Variants in ZNF385D observed in about 807,000 individuals in gnomAD.
ZNF385D encodes zinc finger protein 385D, also known as zinc finger protein 659.
In ZNF385D, 15 loss-of-function variants were observed where a neutral mutation model predicts 35.8. The observed-to-expected ratio is 0.42, with a 90% confidence interval of 0.28 to 0.64. The LOEUF (loss-of-function observed/expected upper bound fraction) is 0.64, where lower values mean the gene tolerates loss of function less well. ZNF385D is among the 30% of genes least tolerant of loss of function. ZNF385D has a pLI of 0.23. For missense variants in ZNF385D, 474 were observed against 494.6 expected, an observed-to-expected ratio of 0.96 and a Z score of 0.39; for synonymous variants, 212 against 186.8, an observed-to-expected ratio of 1.13 and a Z score of -1.10.
chr3:21,624,678 C>G (rs1406266499), intron 2 of ZNF385D, among the ~76,000 whole-genome samples: 1 of 152,020 alleles, frequency 6.6e-6, no homozygotes, highest in Non-Finnish European at 1.5e-5. Flanking sequence ...CCCTTTTACC[C>G]ACCAAGCTCA....
At chr3:21,736,880 C>T (rs2069267624) in intron 1 of ZNF385D, among the ~76,000 whole-genome samples, 2 of 152,180 alleles carry the variant, frequency 1.3e-5, no homozygotes, top group Admixed American at 1.3e-4. Context: ...TAAAAAATTT[C>T]CATAGGGCAT....
chr3:21,804,972 G>A (rs2125693594), intron 3 of ZNF385D, among the ~76,000 whole-genome samples: 1 of 152,278 alleles, frequency 6.6e-6, no homozygotes, highest in Non-Finnish European at 1.5e-5. Context: ...CTTGCCCTGG[G>A]CAGAAGCAAG....
At chr3:22,318,889 T>G (rs1704045412) in intron 2 of ZNF385D, among the ~76,000 whole-genome samples, 1 of 152,148 alleles carries the variant, frequency 6.6e-6, no homozygotes, top group African/African-American at 2.4e-5. Context: ...CAAAATTTGG[T>G]AGCTTTAGTC....
At chr3:21,522,475 G>A (rs1335608978) in intron 3 of ZNF385D, among the ~76,000 whole-genome samples, 1 of 152,140 alleles carries the variant, frequency 6.6e-6, no homozygotes, top group Non-Finnish European at 1.5e-5. Flanking sequence ...GAGTAGCTGG[G>A]ACTACAGGCA....
intron 1 of ZNF385D, among the ~76,000 whole-genome samples, chr3:21,709,193 C>T (rs969606306): frequency 6.6e-6 from 1 of 152,178 alleles, no homozygotes; most frequent in Non-Finnish European, 1.5e-5. Context: ...CATTTTCCAT[C>T]TCCTTCAGGA....
chr3:21,822,306 T>C (rs1270146564), intron 3 of ZNF385D, among the ~76,000 whole-genome samples: 7 of 152,018 alleles, frequency 4.6e-5, no homozygotes, highest in Admixed American at 4.6e-4. Flanking sequence ...TCTCCTGACC[T>C]TGTGATTCAC....
intron 1 of ZNF385D, among the ~76,000 whole-genome samples, chr3:21,729,733 C>A (rs13099034): frequency 0.16 from 25,099 of 152,130 alleles, 2,522 homozygotes; most frequent in Admixed American, 0.3. Flanking sequence ...GAGAGAATAC[C>A]TTAATAACCC....
chr3:22,187,153 G>A (rs763820543), intron 2 of ZNF385D, among the ~76,000 whole-genome samples: 2 of 152,032 alleles, frequency 1.3e-5, no homozygotes, highest in Middle Eastern at 3.2e-3. Context: ...CAAAAATTTC[G>A]TGGCCATTCT....
At chr3:21,799,203 T>C (rs534416014) in intron 3 of ZNF385D, among the ~76,000 whole-genome samples, 2 of 152,296 alleles carry the variant, frequency 1.3e-5, no homozygotes, top group South Asian at 2.1e-4. Flanking sequence ...TATTAAGCAG[T>C]TGATGGATGT....
In ZNF385D at chr3:22,251,004, G is replaced by A. The variant is rs78583321; in HGVS notation, c.107-81969C>T. ...TTCCAGGCATGAAGCTTGGAATCAG[G>A]ACAACACCAATCAATCGCCCTTACC... On this transcript the variant is annotated intron_variant, in intron 2 of 5. Coordinates refer to the ZNF385D transcript ENST00000494108. Among the ~76,000 whole-genome samples, 910 of 152,030 alleles carry A rather than the reference G, an allele frequency of 6.0e-3. 5 individuals carry two copies. Among genetic ancestry groups the A allele is most frequent in the African/African-American group, 0.021 (860 of 41,482 alleles).
At chr3:22,275,946 A>T (rs767479031) in intron 2 of ZNF385D, among the ~76,000 whole-genome samples, 1 of 152,038 alleles carries the variant, frequency 6.6e-6, no homozygotes, top group African/African-American at 2.4e-5. Flanking sequence ...TTAGCTGGGC[A>T]TGGTGGCGTG....
intron 2 of ZNF385D, among the ~76,000 whole-genome samples, chr3:21,578,701 T>G (rs1310692361): frequency 6.6e-6 from 1 of 152,172 alleles, no homozygotes; most frequent in Non-Finnish European, 1.5e-5. Flanking sequence ...TACGCCTGCT[T>G]TCATGCCAGA....
At chr3:22,028,444 C>A (rs1375335721) in intron 3 of ZNF385D, among the ~76,000 whole-genome samples, 2 of 152,126 alleles carry the variant, frequency 1.3e-5, no homozygotes. Context: ...CTGCTGGATG[C>A]CCGATTTGCC....
chr3:21,459,600 A>G (rs1703041051), intron 4 of ZNF385D, among the ~76,000 whole-genome samples: 1 of 152,208 alleles, frequency 6.6e-6, no homozygotes, highest in East Asian at 1.9e-4. Flanking sequence ...GCCAGTCAGG[A>G]CATGCTCTAC....
intron 3 of ZNF385D, among the ~76,000 whole-genome samples, chr3:21,871,269 T>C (rs911291208): frequency 5.3e-5 from 8 of 152,170 alleles, no homozygotes; most frequent in African/African-American, 1.4e-4. Flanking sequence ...TCTGCTCCAA[T>C]GTCACATTGT....
intron 3 of ZNF385D, among the ~76,000 whole-genome samples, chr3:21,987,438 G>A (rs1433765066): frequency 1.7e-5 from 2 of 117,610 alleles, no homozygotes; most frequent in Non-Finnish European, 3.3e-5. Flanking sequence ...AGCTTAGTTT[G>A]GCTGGATATG....
At chr3:21,791,206 CA>C (rs1278952603) in intron 3 of ZNF385D, among the ~76,000 whole-genome samples, 10 of 152,114 alleles carry the variant, frequency 6.6e-5, no homozygotes, top group Non-Finnish European at 1.2e-4. Context: ...ACACAATGGA[CA>C]TTTTTTTTAA....
chr3:21,747,771 T>A (rs772488185), intron 1 of ZNF385D, among the ~76,000 whole-genome samples: 2 of 152,216 alleles, frequency 1.3e-5, no homozygotes, highest in African/African-American at 2.4e-5. Context: ...CAGTCCATTG[T>A]ACTGACAACC....
chr3:21,540,911 T>C (rs2062159238), intron 3 of ZNF385D, among the ~76,000 whole-genome samples: 1 of 152,206 alleles, frequency 6.6e-6, no homozygotes, highest in Admixed American at 6.5e-5. Flanking sequence ...CTGCAATCTT[T>C]ACCACTATCA....
Sources: gnomAD v4.1 joint callset for allele counts (sites outside exome capture counted in the v4.1 genomes callset) on GRCh38, gnomAD v4.1.1 for gene constraint, MANE v1.5 for transcripts, NCBI Gene and HGNC (gene_info 2026-07-23, HGNC 2026-07-21) for gene names.